The following CHN2 variants were observed in gnomAD, a reference collection of about 807,000 sequenced individuals.
The protein encoded by CHN2 is beta-chimaerin.
Under a neutral mutation model 56.3 loss-of-function variants are expected in CHN2, and 35 were observed. That is an observed-to-expected ratio of 0.62 (90% confidence interval 0.47 to 0.82). The LOEUF (loss-of-function observed/expected upper bound fraction) is 0.82, where lower values mean the gene tolerates loss of function less well. CHN2 is among the 40% of genes least tolerant of loss of function. The pLI is 0.00. For missense variants in CHN2, 491 were observed against 580.5 expected, an observed-to-expected ratio of 0.85 and a Z score of 1.58; for synonymous variants, 210 against 212.8, an observed-to-expected ratio of 0.99 and a Z score of 0.12.
rs1468647636 is a variant in CHN2 at position 29,270,043 on chromosome 7, T to A, written c.49+75053T>A. ...AGATGAATTAAGAAACACTTCCTGC[T>A]ATGTATGATCTTTGTCCTTCTCATT... On this transcript the variant is annotated intron_variant, in intron 1 of 12. Coordinates refer to ENST00000222792, the MANE Select transcript of CHN2 (RefSeq NM_004067.4). 4.6e-5 allele frequency among the ~76,000 whole-genome samples: 7 copies of A among 152,242 alleles called. No individual in the cohort carries two copies. The South Asian group carries it at 1.0e-3, about 22-fold the overall frequency.
intron 2 of CHN2, among the ~76,000 whole-genome samples, chr7:29,181,816 T>A (rs1798092903): frequency 6.6e-6 from 1 of 152,190 alleles, no homozygotes; most frequent in Non-Finnish European, 1.5e-5. Flanking sequence ...TATTGCTATG[T>A]AATGTAAACT....
At chr7:29,309,513 A>C (rs182836701) in intron 1 of CHN2, among the ~76,000 whole-genome samples, 8 of 152,302 alleles carry the variant, frequency 5.3e-5, no homozygotes, top group Admixed American at 5.2e-4. Flanking sequence ...CCTCAGATGA[A>C]GGAGTTTTCT....
At chr7:29,507,490 G>A (rs1790712088) in intron 11 of CHN2, 125 bp downstream of exon 11, 3 of 733,670 alleles carry the variant, frequency 4.1e-6, no homozygotes, top group Non-Finnish European at 2.2e-6. Context: ...TCAAGTGAGG[G>A]CACAACAATA....
intron 6 of CHN2, among the ~76,000 whole-genome samples, chr7:29,476,695 A>T (rs1481862053): frequency 6.6e-6 from 1 of 152,204 alleles, no homozygotes; most frequent in Non-Finnish European, 1.5e-5. Flanking sequence ...GTTGCTTCCC[A>T]GGGAATATTT....
At chr7:29,394,818 T>C (rs1801618947) in intron 4 of CHN2, among the ~76,000 whole-genome samples, 1 of 152,240 alleles carries the variant, frequency 6.6e-6, no homozygotes, top group Admixed American at 6.5e-5. Flanking sequence ...AAAGGAGCTG[T>C]TTATTATGCA....
chr7:29,452,313 C>T (rs907395314), intron 6 of CHN2, among the ~76,000 whole-genome samples: 2 of 152,104 alleles, frequency 1.3e-5, no homozygotes, highest in African/African-American at 4.8e-5. Flanking sequence ...CCAGGCTGGG[C>T]CTCGGGTGAA....
At chr7:29,153,860 G>A (rs931323129) in intron 2 of CHN2, among the ~76,000 whole-genome samples, 19 of 152,204 alleles carry the variant, frequency 1.2e-4, no homozygotes, top group Admixed American at 2.6e-4. Context: ...ATGAGCCACC[G>A]CACCTGGCCT....
intron 12 of CHN2, among the ~76,000 whole-genome samples, chr7:29,511,397 G>A (rs970052714): frequency 6.6e-6 from 1 of 152,198 alleles, no homozygotes; most frequent in African/African-American, 2.4e-5. Context: ...AGTTGTTACA[G>A]TTTGGAAGGC....
intron 6 of CHN2, among the ~76,000 whole-genome samples, chr7:29,413,356 A>G (rs1803424473): frequency 1.3e-5 from 2 of 152,242 alleles, no homozygotes; most frequent in African/African-American, 4.8e-5. Context: ...TAAGACACAG[A>G]ACTGTGGGCT....
At chr7:29,236,101 C>G (rs979107938) in intron 1 of CHN2, among the ~76,000 whole-genome samples, 1 of 152,112 alleles carries the variant, frequency 6.6e-6, no homozygotes, top group East Asian at 1.9e-4. Flanking sequence ...AATGTTGCAG[C>G]CATTGTTTAC....
At chr7:29,195,723 AT>A (rs556782246) in intron 1 of CHN2, among the ~76,000 whole-genome samples, 1 of 151,316 alleles carries the variant, frequency 6.6e-6, no homozygotes, top group East Asian at 1.9e-4. Flanking sequence ...CAAGGCATGC[AT>A]TTTTTTTCCT....
chr7:29,384,406 T>TC (rs1800766138), intron 3 of CHN2, among the ~76,000 whole-genome samples: 1 of 152,142 alleles, frequency 6.6e-6, no homozygotes, highest in Non-Finnish European at 1.5e-5. Context: ...GCCTTCTTTT[T>TC]CCCGACTGCA....
Position 29,332,565 on chromosome 7 carries a change from G to A in CHN2, c.50-22060G>A, listed in dbSNP as rs143140929. Among the ~76,000 whole-genome samples, 49 of 142,550 alleles carry A rather than the reference G, an allele frequency of 3.4e-4. No homozygotes were observed. The East Asian group carries it at 8.8e-3, about 25-fold the overall frequency. The allele number at this position is 142,550 out of a possible 152,430, so 93.5% of individuals were successfully genotyped here. ...CAGTGGCAGTAAGCCACAGTTCCCC[G>A]TCAGCCACACGGTCTCCAGGGTAAA... On this transcript the variant is annotated intron_variant, in intron 1 of 12. Transcript: ENST00000222792.
At chr7:29,313,248 A>G (rs562572515) in intron 1 of CHN2, among the ~76,000 whole-genome samples, 1 of 152,272 alleles carries the variant, frequency 6.6e-6, no homozygotes, top group Non-Finnish European at 1.5e-5. Flanking sequence ...CCTTCCAGAG[A>G]TAAGTGGAAT....
At chr7:29,369,836 C>T (rs1020395169) in intron 3 of CHN2, among the ~76,000 whole-genome samples, 5 of 152,154 alleles carry the variant, frequency 3.3e-5, no homozygotes, top group Admixed American at 2.6e-4. Flanking sequence ...AATATGGTGC[C>T]CATGTCTCTT....
intron 9 of CHN2, among the ~76,000 whole-genome samples, chr7:29,503,764 T>G (rs890225291): frequency 6.6e-6 from 1 of 152,148 alleles, no homozygotes. Context: ...AATATGTGAG[T>G]TATCAAGAGT....
At chr7:29,222,462 T>C (rs1785880021) in intron 1 of CHN2, among the ~76,000 whole-genome samples, 1 of 138,190 alleles carries the variant, frequency 7.2e-6, no homozygotes, top group Non-Finnish European at 1.6e-5. Flanking sequence ...CTTCAAACTA[T>C]ACTACAAGGC....
At chr7:29,505,853 G>A (rs781536481) in intron 10 of CHN2, among the ~76,000 whole-genome samples, 1 of 152,180 alleles carries the variant, frequency 6.6e-6, no homozygotes, top group South Asian at 2.1e-4. Flanking sequence ...TGGTTCATCA[G>A]GGCTTAATGG....
intron 3 of CHN2, among the ~76,000 whole-genome samples, chr7:29,392,854 T>G (rs758566290): frequency 2.8e-4 from 43 of 152,322 alleles, no homozygotes; most frequent in Middle Eastern, 3.4e-3. Context: ...AAACTTGCTG[T>G]CATACATAGA....
Sources: allele counts gnomAD v4.1 joint callset (sites outside exome capture counted in the v4.1 genomes callset), GRCh38; gene constraint gnomAD v4.1.1; transcripts MANE v1.5; gene names NCBI Gene and HGNC (gene_info 2026-07-23, HGNC 2026-07-21).